The following LRMDA variants were observed in gnomAD, a reference collection of about 807,000 sequenced individuals.
LRMDA encodes leucine-rich melanocyte differentiation-associated protein.
A neutral mutation model predicts 29.8 loss-of-function variants in LRMDA; 18 were observed. The ratio of observed to expected loss-of-function variants is 0.60; its 90% CI spans 0.42 to 0.90. LRMDA has a LOEUF of 0.90. Among genes scored for constraint, LRMDA ranks in the 40% least tolerant of loss-of-function variants. The pLI is 0.00. For missense variants in LRMDA, 273 were observed against 273.9 expected (o/e 1.00, Z 0.02); for synonymous variants, 125 against 109.4 (o/e 1.14, Z -0.89).
chr10:75,825,678 C>T (rs1276549389), intron 2 of LRMDA, among the ~76,000 whole-genome samples: 2 of 152,176 alleles, frequency 1.3e-5, no homozygotes, highest in African/African-American at 4.8e-5. Context: ...CCATAACCTA[C>T]TCTTGTGTAG....
At chr10:76,532,513 T>G (rs1407913545) in intron 6 of LRMDA, among the ~76,000 whole-genome samples, 1 of 152,228 alleles carries the variant, frequency 6.6e-6, no homozygotes, top group East Asian at 1.9e-4. Context: ...TGGGTTCAAG[T>G]AAATTTCTTT....
At chr10:75,509,673 A>G (rs1259934684) in intron 2 of LRMDA, among the ~76,000 whole-genome samples, 4 of 152,112 alleles carry the variant, frequency 2.6e-5, no homozygotes, top group Non-Finnish European at 5.9e-5. Context: ...TATCCTTTCC[A>G]CTTCATTATT....
intron 5 of LRMDA, among the ~76,000 whole-genome samples, chr10:76,065,035 G>GT (rs1012493197): frequency 1.1e-4 from 17 of 151,516 alleles, no homozygotes; most frequent in South Asian, 6.3e-4. Flanking sequence ...TTAATTAACT[G>GT]TTTTTTTTAA....
At chr10:76,491,558 G>T (rs1842833913) in intron 6 of LRMDA, among the ~76,000 whole-genome samples, 1 of 151,994 alleles carries the variant, frequency 6.6e-6, no homozygotes, top group East Asian at 1.9e-4. Flanking sequence ...ATGTGTTGCA[G>T]ATCCATGGTG....
At chr10:75,513,240 CT>C (rs1845247340) in intron 2 of LRMDA, among the ~76,000 whole-genome samples, 1 of 152,180 alleles carries the variant, frequency 6.6e-6, no homozygotes, top group Admixed American at 6.5e-5. Flanking sequence ...ATTTTTGTTT[CT>C]CGTTCCATTC....
At chr10:76,479,006 C>A (rs939212005) in intron 6 of LRMDA, among the ~76,000 whole-genome samples, 4 of 151,434 alleles carry the variant, frequency 2.6e-5, no homozygotes, top group African/African-American at 9.7e-5. Context: ...ATGTAACAAA[C>A]CTGCACGTTG....
intron 2 of LRMDA, among the ~76,000 whole-genome samples, chr10:75,714,245 G>C (rs1842471553): frequency 6.6e-6 from 1 of 152,182 alleles, no homozygotes; most frequent in African/African-American, 2.4e-5. Flanking sequence ...CATATTTTCA[G>C]ATATGGCATA....
chr10:75,477,912 CTCT>C (rs1339539879), intron 2 of LRMDA, among the ~76,000 whole-genome samples: 1 of 152,232 alleles, frequency 6.6e-6, no homozygotes, highest in Non-Finnish European at 1.5e-5. Flanking sequence ...ATTACTATTC[CTCT>C]TCTAATTACT....
chr10:76,290,526 G>C (rs1840327557), intron 5 of LRMDA, among the ~76,000 whole-genome samples: 1 of 150,624 alleles, frequency 6.6e-6, no homozygotes, highest in South Asian at 2.1e-4. Flanking sequence ...GGGTTCAGGG[G>C]ATTCTTGTGC....
chr10:75,466,944 GT>G (rs145115863), intron 2 of LRMDA, among the ~76,000 whole-genome samples: 4,077 of 147,928 alleles, frequency 0.028, 55 homozygotes, highest in African/African-American at 0.039. Flanking sequence ...TGATTTAGCA[GT>G]TTTTTTTTTT....
At chr10:75,776,125 T>C (rs1843309202) in intron 2 of LRMDA, among the ~76,000 whole-genome samples, 1 of 152,252 alleles carries the variant, frequency 6.6e-6, no homozygotes, top group African/African-American at 2.4e-5. Context: ...ACTTCCTTTA[T>C]TATTGATCAA....
At chr10:76,128,288 C>T (rs1012636816) in intron 5 of LRMDA, among the ~76,000 whole-genome samples, 3 of 152,134 alleles carry the variant, frequency 2.0e-5, no homozygotes, top group Non-Finnish European at 2.9e-5. Context: ...CTCCCAAGTC[C>T]GCCGCAGTGT....
intron 5 of LRMDA, among the ~76,000 whole-genome samples, chr10:76,176,391 G>A (rs1850935247): frequency 6.6e-6 from 1 of 152,248 alleles, no homozygotes; most frequent in Non-Finnish European, 1.5e-5. Flanking sequence ...AACTGCAGAA[G>A]TTGTGTGTGA....
intron 5 of LRMDA, among the ~76,000 whole-genome samples, chr10:76,323,805 A>G (rs1190831074): frequency 1.3e-5 from 2 of 152,196 alleles, no homozygotes; most frequent in Non-Finnish European, 2.9e-5. Flanking sequence ...GGAGTGACAC[A>G]TTTGTTGATA....
At chr10:76,385,362 C>T (rs965901406) in intron 6 of LRMDA, among the ~76,000 whole-genome samples, 2 of 152,176 alleles carry the variant, frequency 1.3e-5, no homozygotes, top group African/African-American at 4.8e-5. Context: ...CCAATTTATA[C>T]AGTAATGTTC....
At chr10:75,782,230 T>A (rs1274282935) in intron 2 of LRMDA, among the ~76,000 whole-genome samples, 1 of 152,180 alleles carries the variant, frequency 6.6e-6, no homozygotes. Flanking sequence ...ATATTTTGCA[T>A]TTAAGAAATA....
intron 2 of LRMDA, among the ~76,000 whole-genome samples, chr10:75,991,272 C>T (rs1442199432): frequency 6.6e-6 from 1 of 152,020 alleles, no homozygotes; most frequent in Non-Finnish European, 1.5e-5. Context: ...TATGAAATGA[C>T]CTTAATATGG....
At chr10:75,514,491 C>T (rs1845266775) in intron 2 of LRMDA, among the ~76,000 whole-genome samples, 2 of 152,014 alleles carry the variant, frequency 1.3e-5, no homozygotes, top group Non-Finnish European at 2.9e-5. Flanking sequence ...AGATATGTCC[C>T]CTCCAAATTG....
chr10:76,136,823 C>A (rs567375706), intron 5 of LRMDA, among the ~76,000 whole-genome samples: 1 of 152,168 alleles, frequency 6.6e-6, no homozygotes, highest in South Asian at 2.1e-4. Flanking sequence ...ATATAATATA[C>A]CAGGCTGAGG....
Sources: allele counts gnomAD v4.1 joint callset (sites outside exome capture counted in the v4.1 genomes callset), GRCh38; gene constraint gnomAD v4.1.1; transcripts MANE v1.5; gene names NCBI Gene and HGNC (gene_info 2026-07-23, HGNC 2026-07-21).